Variants in PEPD observed in about 807,000 individuals in gnomAD.
The protein encoded by PEPD is xaa-Pro dipeptidase.
In PEPD, 53 loss-of-function variants were observed where a neutral mutation model predicts 60.7. The ratio of observed to expected loss-of-function variants is 0.87; its 90% confidence interval spans 0.70 to 1.10. The LOEUF (loss-of-function observed/expected upper bound fraction) is 1.10. PEPD is among the 50% of genes least tolerant of loss of function. The probability of loss-of-function intolerance (pLI) is 0.00; values close to 1 mark genes in which losing one functional copy is unlikely to be tolerated. For missense variants in PEPD, 711 were observed against 711.9 expected, an observed-to-expected ratio of 1.00 and a Z score of 0.01; for synonymous variants, 267 against 284.1, an observed-to-expected ratio of 0.94 and a Z score of 0.60.
At chr19:33,413,506 C>T (rs997430230) in intron 10 of PEPD, 69 bp downstream of exon 10, 31 of 845,126 alleles carry the variant, frequency 3.7e-5, no homozygotes, top group Non-Finnish European at 5.5e-5. Context: ...ATGGTGGAGC[C>T]CCCCACTCAC....
At chr19:33,501,314 C>T (rs1460968077) in intron 3 of PEPD, among the ~76,000 whole-genome samples, 1 of 152,186 alleles carries the variant, frequency 6.6e-6, no homozygotes, top group Non-Finnish European at 1.5e-5. Context: ...CAGAGACAGT[C>T]CACCAGGGCA....
At chr19:33,485,208 T>C (rs2145308674) in intron 6 of PEPD, among the ~76,000 whole-genome samples, 1 of 152,018 alleles carries the variant, frequency 6.6e-6, no homozygotes, top group African/African-American at 2.4e-5. Context: ...AGAAAGCCAA[T>C]CCTGGCTGGG....
At chr19:33,462,689 T>C (rs78703636) in intron 9 of PEPD, among the ~76,000 whole-genome samples, 2,747 of 152,124 alleles carry the variant, frequency 0.018, 47 homozygotes, top group Non-Finnish European at 0.026. Flanking sequence ...GCTTTCAGAG[T>C]CATAAGAGCA....
intron 10 of PEPD, 145 bp downstream of exon 10, chr19:33,413,430 G>A (rs1968820563): frequency 4.7e-6 from 3 of 644,032 alleles, no homozygotes; most frequent in African/African-American, 1.8e-5. Flanking sequence ...AGGGAGGAGC[G>A]ACTTCCAAGC....
At chr19:33,459,654 A>T (rs1464304988) in intron 9 of PEPD, among the ~76,000 whole-genome samples, 4 of 150,072 alleles carry the variant, frequency 2.7e-5, no homozygotes, top group Non-Finnish European at 5.9e-5. Context: ...AGTCTTCATA[A>T]ATGCCATCCG....
intron 9 of PEPD, among the ~76,000 whole-genome samples, chr19:33,461,648 G>A (rs749855244): frequency 3.3e-5 from 5 of 152,212 alleles, no homozygotes; most frequent in Non-Finnish European, 7.3e-5. Context: ...AGGTTTCCGG[G>A]GCAGTGCCAA....
chr19:33,509,818 C>T (rs1970886621), intron 3 of PEPD, among the ~76,000 whole-genome samples: 1 of 152,228 alleles, frequency 6.6e-6, no homozygotes, highest in African/African-American at 2.4e-5. Context: ...CCTGGCACCA[C>T]TGAGCAGGCA....
intron 4 of PEPD, among the ~76,000 whole-genome samples, chr19:33,496,644 C>T (rs961050927): frequency 3.9e-5 from 6 of 152,042 alleles, no homozygotes; most frequent in African/African-American, 1.2e-4. Flanking sequence ...CTCAGGGCCT[C>T]GTTTCCACGG....
intron 1 of PEPD, among the ~76,000 whole-genome samples, chr19:33,519,551 T>A (rs1315534810): frequency 6.6e-6 from 1 of 152,196 alleles, no homozygotes; most frequent in Non-Finnish European, 1.5e-5. Flanking sequence ...GGAAACACAC[T>A]TAATCATTCT....
intron 4 of PEPD, among the ~76,000 whole-genome samples, chr19:33,500,497 G>C (rs953147801): frequency 2.6e-5 from 4 of 152,236 alleles, no homozygotes; most frequent in Admixed American, 2.6e-4. Context: ...ATTGAAGTCA[G>C]GGGACCTCCA....
At chr19:33,414,298 GGCCACA>G (rs1245353830) in intron 9 of PEPD, among the ~76,000 whole-genome samples, 1 of 152,216 alleles carries the variant, frequency 6.6e-6, no homozygotes, top group Non-Finnish European at 1.5e-5. Flanking sequence ...GAGCGGGTAG[GGCCACA>G]GCCAAGTCTG....
chr19:33,421,482 T>C (rs1430048287), intron 9 of PEPD, among the ~76,000 whole-genome samples: 1 of 152,218 alleles, frequency 6.6e-6, no homozygotes, highest in Non-Finnish European at 1.5e-5. Context: ...ATGTACTTTT[T>C]ATTTTTGTTT....
At chr19:33,456,173 C>T (rs370533664) in intron 9 of PEPD, among the ~76,000 whole-genome samples, 2 of 152,128 alleles carry the variant, frequency 1.3e-5, no homozygotes, top group East Asian at 1.9e-4. Flanking sequence ...GTTTCATTCT[C>T]GGATCCCTGG....
At chr19:33,429,696 C>A (rs1040585335) in intron 9 of PEPD, among the ~76,000 whole-genome samples, 9 of 152,130 alleles carry the variant, frequency 5.9e-5, no homozygotes, top group Admixed American at 2.0e-4. Context: ...ACCAACATGA[C>A]AACTGATATT....
At chr19:33,401,627 CA>C (rs1185076648) in intron 12 of PEPD, 93 bp downstream of exon 12, 1 of 1,199,256 alleles carries the variant, frequency 8.3e-7, no homozygotes, top group African/African-American at 1.5e-5. Context: ...ATTCAAGTCA[CA>C]CAATGCAGAC....
chr19:33,470,451 CT>C (rs1413556677), intron 7 of PEPD, among the ~76,000 whole-genome samples: 1 of 152,090 alleles, frequency 6.6e-6, no homozygotes, highest in Non-Finnish European at 1.5e-5. Context: ...TCCTGCCCAC[CT>C]CTAGCACCCA....
rs375197529 is a variant in PEPD at position 33,441,401 on chromosome 19, C to T, written c.671+21594G>A. Among the ~76,000 whole-genome samples, 37 of 152,342 alleles carry T rather than the reference C, an allele frequency of 2.4e-4. No homozygotes were observed. In the East Asian group the frequency reaches 6.0e-3, roughly 25 times the overall value. ...TCGATAACCACTGGGCTATCAGGCT[C>T]ACTGGGGTTGGTGACCACATCCCCA... On this transcript the variant is annotated intron_variant, in intron 9 of 14. Coordinates refer to ENST00000244137, the MANE Select transcript of PEPD (RefSeq NM_000285.4).
intron 5 of PEPD, among the ~76,000 whole-genome samples, chr19:33,492,167 T>C (rs552688212): frequency 1.3e-5 from 2 of 151,802 alleles, no homozygotes; most frequent in East Asian, 3.9e-4. Context: ...TCTGAGAAAT[T>C]CCAGAGAATT....
At chr19:33,492,018 CTACTT>C (rs1470781912) in intron 5 of PEPD, among the ~76,000 whole-genome samples, 2 of 141,036 alleles carry the variant, frequency 1.4e-5, no homozygotes, top group African/African-American at 5.3e-5. Context: ...AGAGAAACCT[CTACTT>C]TACTTTTTAT....
Sources: allele counts gnomAD v4.1 joint callset (sites outside exome capture counted in the v4.1 genomes callset), GRCh38; gene constraint gnomAD v4.1.1; transcripts MANE v1.5; gene names NCBI Gene and HGNC (gene_info 2026-07-23, HGNC 2026-07-21).